The following WASHC3 variants were observed in gnomAD, a reference collection of about 807,000 sequenced individuals.
WASHC3 encodes WASH complex subunit 3.
A neutral mutation model predicts 26.1 loss-of-function variants in WASHC3; 24 were observed. That is an observed-to-expected ratio of 0.92 (90% CI 0.66 to 1.29). WASHC3 has a LOEUF of 1.29. Among genes scored for constraint, WASHC3 ranks in the 50% most tolerant of loss-of-function variants. The probability of loss-of-function intolerance (pLI) is 0.00; values close to 1 mark genes in which losing one functional copy is unlikely to be tolerated. For synonymous variants in WASHC3, 77 were observed against 75.7 expected (o/e 1.02, Z -0.09); for missense variants, 214 against 229.6 (o/e 0.93, Z 0.44).
At chr12:102,040,195 T>C in intron 4 of WASHC3, 1 of 273,784 alleles carries the variant, frequency 3.7e-6, no homozygotes. Context: ...TTCAACACTA[T>C]ATTGGTTCCT....
rs1318710290 is a variant in WASHC3, at chr12:102,039,921, A to G, written c.382T>C (p.Leu128=). Residue 128 remains leucine, a synonymous_variant, in exon 5 of 7, where the codon TTA becomes CTA. Transcript: ENST00000240079. ...QESEVSAENI[L]TVAKDPRYAR... Reference sequence around the variant, plus strand: ...TATCTTGGATCCTTGGCTACAGTTAAGATATTTTCTGCTGATACTTCACTT... The same window carrying G: ...TATCTTGGATCCTTGGCTACAGTTAGGATATTTTCTGCTGATACTTCACTT... 2.5e-6 allele frequency: 4 copies of G among 1,606,292 alleles called. No homozygotes were observed. In the South Asian group the frequency reaches 4.4e-5, roughly 18 times the overall value.
At position 102,034,815 on chromosome 12, in the gene WASHC3, T is replaced by A. The variant is rs561465005; in HGVS notation, c.435+5053A>T. 2.3e-3 allele frequency among the ~76,000 whole-genome samples: 343 copies of A among 146,500 alleles called. 1 individual carries two copies. The highest frequency in any genetic ancestry group is 4.8e-3 in the Admixed American group (69 of 14,410). On this transcript the variant is annotated intron_variant, in intron 5 of 6. Transcript: ENST00000240079. ...GTGTGTGTGTGTGTGTGTGTGTGTG[T>A]GAGTATGTAAATACAGCAAATCTGA...
At chr12:102,014,155 T>C (rs188851159) in intron 6 of WASHC3, among the ~76,000 whole-genome samples, 485 of 135,330 alleles carry the variant, frequency 3.6e-3, no homozygotes, top group African/African-American at 0.012. Context: ...TGATCTCGGC[T>C]CACTGCAACC....
At chr12:102,016,339 G>T (rs1876699499) in intron 6 of WASHC3, among the ~76,000 whole-genome samples, 1 of 150,766 alleles carries the variant, frequency 6.6e-6, no homozygotes, top group Non-Finnish European at 1.5e-5. Context: ...TGAGTAGCTG[G>T]GATTACAGGC....
intron 4 of WASHC3, among the ~76,000 whole-genome samples, chr12:102,041,646 T>G (rs971701722): frequency 6.6e-6 from 1 of 152,080 alleles, no homozygotes; most frequent in African/African-American, 2.4e-5. Context: ...AACTCTGGAT[T>G]AAGCAATACT....
intron 4 of WASHC3, among the ~76,000 whole-genome samples, chr12:102,043,000 A>G (rs1015761420): frequency 6.6e-6 from 1 of 152,234 alleles, no homozygotes; most frequent in African/African-American, 2.4e-5. Flanking sequence ...CTAAGAGCCA[A>G]ATGTAAAGTA....
rs555145832 is a variant in WASHC3, at chr12:102,044,275, T to C, written c.217-63A>G. ...TACTTGCATAAATAAACACTATTTTTAATAGCTGTCTTAAGTTTTAAGGCT... is the reference window on the plus strand; with the variant it reads ...TACTTGCATAAATAAACACTATTTTCAATAGCTGTCTTAAGTTTTAAGGCT... On this transcript the variant is annotated intron_variant, in intron 3 of 6. Transcript: ENST00000240079. 8.3e-6 allele frequency: 6 copies of C among 722,330 alleles called. No homozygotes were observed. In the Admixed American group the frequency reaches 8.4e-5, roughly 10 times the overall value. 44.7% of individuals were successfully genotyped at this position (722,330 alleles called of 1,614,324 possible).
intron 6 of WASHC3, among the ~76,000 whole-genome samples, chr12:102,016,845 A>G (rs1162196495): frequency 6.6e-6 from 1 of 152,256 alleles, no homozygotes; most frequent in Non-Finnish European, 1.5e-5. Flanking sequence ...TAAGCTAAGT[A>G]GTATTACAAA....
chr12:102,030,170 C>T (rs1877372779), intron 5 of WASHC3, among the ~76,000 whole-genome samples: 1 of 151,824 alleles, frequency 6.6e-6, no homozygotes, highest in South Asian at 2.1e-4. Flanking sequence ...TGGCACATGC[C>T]TGTAATCCCA....
chr12:102,051,622 T>C (rs1878397268), intron 2 of WASHC3, among the ~76,000 whole-genome samples: 1 of 152,250 alleles, frequency 6.6e-6, no homozygotes, highest in Non-Finnish European at 1.5e-5. Context: ...AGCAATGAGA[T>C]ATTGACTTTT....
At chr12:102,021,980 T>C (rs1876980321) in intron 6 of WASHC3, among the ~76,000 whole-genome samples, 1 of 152,206 alleles carries the variant, frequency 6.6e-6, no homozygotes, top group Non-Finnish European at 1.5e-5. Context: ...ATGGTATAAA[T>C]GTCTTTTGGA....
At chr12:102,039,110 G>A (rs1877810325) in intron 5 of WASHC3, among the ~76,000 whole-genome samples, 1 of 147,184 alleles carries the variant, frequency 6.8e-6, no homozygotes, top group Admixed American at 6.8e-5. Context: ...CCAGGTGCAT[G>A]CCATCATATG....
At chr12:102,041,232 T>C (rs1224361485) in intron 4 of WASHC3, among the ~76,000 whole-genome samples, 1 of 151,988 alleles carries the variant, frequency 6.6e-6, no homozygotes, top group Non-Finnish European at 1.5e-5. Context: ...TAACAATTTA[T>C]GGAAATTAAA....
chr12:102,015,566 A>G (rs973829715), intron 6 of WASHC3, among the ~76,000 whole-genome samples: 2 of 152,230 alleles, frequency 1.3e-5, no homozygotes, highest in African/African-American at 4.8e-5. Flanking sequence ...AGTGTGTTCG[A>G]TAATATCTGG....
chr12:102,029,639 T>C (rs920657238), intron 5 of WASHC3, among the ~76,000 whole-genome samples: 5 of 152,218 alleles, frequency 3.3e-5, no homozygotes, highest in African/African-American at 9.6e-5. Flanking sequence ...AACAACTTCA[T>C]TGTCAATTTA....
At chr12:102,047,523 C>T (rs2136677971) in intron 2 of WASHC3, among the ~76,000 whole-genome samples, 1 of 152,252 alleles carries the variant, frequency 6.6e-6, no homozygotes, top group South Asian at 2.1e-4. Context: ...TAGGTAAACA[C>T]CAATACAGGT....
intron 6 of WASHC3, among the ~76,000 whole-genome samples, chr12:102,015,703 T>A (rs1009552403): frequency 6.6e-6 from 1 of 152,154 alleles, no homozygotes; most frequent in African/African-American, 2.4e-5. Flanking sequence ...AGTAGTTCCT[T>A]CCCTGAAGCA....
intron 5 of WASHC3, 120 bp downstream of exon 5, chr12:102,039,748 G>A: frequency 2.3e-6 from 1 of 433,226 alleles, no homozygotes; most frequent in South Asian, 4.6e-5. Context: ...TAAGAGAATA[G>A]AAAACTTGGT....
intron 2 of WASHC3, among the ~76,000 whole-genome samples, chr12:102,058,394 C>T (rs1409447805): frequency 6.6e-6 from 1 of 152,050 alleles, no homozygotes; most frequent in Non-Finnish European, 1.5e-5. Flanking sequence ...GCACTGGTAA[C>T]AAAACCAAAA....
Sources: allele counts gnomAD v4.1 joint callset (sites outside exome capture counted in the v4.1 genomes callset), GRCh38; gene constraint gnomAD v4.1.1; transcripts MANE v1.5; gene names NCBI Gene and HGNC (gene_info 2026-07-23, HGNC 2026-07-21).